GPD2: variants seen among roughly 807,000 people sequenced by gnomAD.
GPD2 encodes the protein glycerol-3-phosphate dehydrogenase 2.
GPD2 carries 54 observed loss-of-function variants against 82.4 expected under a neutral mutation model. The observed-to-expected ratio is 0.66, with a 90% CI of 0.53 to 0.82. The LOEUF (loss-of-function observed/expected upper bound fraction) is 0.82. Among genes scored for constraint, GPD2 ranks in the 40% least tolerant of loss-of-function variants. GPD2 has a pLI of 0.00. For missense variants in GPD2, 748 were observed against 896.2 expected (o/e 0.83, Z 2.11); for synonymous variants, 288 against 306.1 (o/e 0.94, Z 0.62).
chr2:156,462,909 C>CATGT (rs536404480), intron 1 of GPD2, among the ~76,000 whole-genome samples: 86 of 152,286 alleles, frequency 5.6e-4, no homozygotes, highest in Middle Eastern at 3.4e-3. Context: ...CAACATGGCA[C>CATGT]ATGTATACTT....
intron 6 of GPD2, among the ~76,000 whole-genome samples, chr2:156,541,516 A>G (rs1018703865): frequency 3.9e-5 from 6 of 152,290 alleles, no homozygotes; most frequent in Non-Finnish European, 8.8e-5. Flanking sequence ...ATATTTACAA[A>G]AATAATTAAT....
chr2:156,446,627 T>C (rs1055784629), intron 1 of GPD2, among the ~76,000 whole-genome samples: 3 of 151,850 alleles, frequency 2.0e-5, no homozygotes, highest in East Asian at 3.9e-4. Context: ...CAGGCTGGAA[T>C]GCAGTGGCAC....
chr2:156,476,041 T>G, intron 1 of GPD2, 57 bp from the exon 2 acceptor site: 1 of 851,410 alleles, frequency 1.2e-6, no homozygotes, highest in South Asian at 1.3e-5. Context: ...ATTATTGGGA[T>G]GGTTATGCGA....
chr2:156,511,233 G>C (rs1684987219), intron 4 of GPD2, among the ~76,000 whole-genome samples: 1 of 152,176 alleles, frequency 6.6e-6, no homozygotes, highest in Non-Finnish European at 1.5e-5. Context: ...TTGCTACTTT[G>C]CAAGCACTTT....
At chr2:156,558,348 A>G (rs1246056616) in intron 9 of GPD2, among the ~76,000 whole-genome samples, 2 of 152,136 alleles carry the variant, frequency 1.3e-5, no homozygotes, top group Non-Finnish European at 2.9e-5. Flanking sequence ...AATACCAGGC[A>G]GGTCCATCAG....
chr2:156,525,683 A>G (rs1685581279), intron 6 of GPD2, among the ~76,000 whole-genome samples: 1 of 152,192 alleles, frequency 6.6e-6, no homozygotes, highest in African/African-American at 2.4e-5. Context: ...ATACGGACAA[A>G]TTACTGTCTT....
At chr2:156,567,932 G>A (rs1687450477) in intron 9 of GPD2, among the ~76,000 whole-genome samples, 1 of 152,114 alleles carries the variant, frequency 6.6e-6, no homozygotes, top group Non-Finnish European at 1.5e-5. Flanking sequence ...GGCATCTTGA[G>A]TATTGAAAGA....
intron 6 of GPD2, among the ~76,000 whole-genome samples, chr2:156,517,208 T>A (rs1326898782): frequency 1.3e-5 from 2 of 152,214 alleles, no homozygotes; most frequent in African/African-American, 4.8e-5. Flanking sequence ...TCCTCCCGCC[T>A]TGGCCTCCCA....
intron 3 of GPD2, among the ~76,000 whole-genome samples, chr2:156,496,623 T>G (rs1200937877): frequency 6.6e-6 from 1 of 152,196 alleles, no homozygotes; most frequent in African/African-American, 2.4e-5. Flanking sequence ...AACTTTAAAA[T>G]GAAATATAAC....
chr2:156,442,311 C>T (rs934178064), intron 1 of GPD2, among the ~76,000 whole-genome samples: 3 of 152,038 alleles, frequency 2.0e-5, no homozygotes, highest in Non-Finnish European at 4.4e-5. Context: ...CTGATGACCA[C>T]CAAGGCCAAG....
chr2:156,554,788 A>G (rs1328668717), intron 8 of GPD2, among the ~76,000 whole-genome samples: 1 of 152,146 alleles, frequency 6.6e-6, no homozygotes, highest in African/African-American at 2.4e-5. Flanking sequence ...CAAGAGGTCA[A>G]TTTTTTTCCT....
intron 3 of GPD2, among the ~76,000 whole-genome samples, chr2:156,504,914 A>G (rs1192408268): frequency 6.6e-6 from 1 of 152,062 alleles, no homozygotes; most frequent in Non-Finnish European, 1.5e-5. Flanking sequence ...CCAAATGTCA[A>G]CTGTGGTTAT....
chr2:156,494,717 A>G (rs1403119608), intron 2 of GPD2, among the ~76,000 whole-genome samples: 1 of 152,228 alleles, frequency 6.6e-6, no homozygotes, highest in Non-Finnish European at 1.5e-5. Context: ...CAGAATGGGA[A>G]AAACACCACC....
rs957549756 is a variant in GPD2 at position 156,476,266 on chromosome 2, C to T, written c.102+59C>T. On this transcript the variant is annotated intron_variant, in intron 2 of 16. Coordinates refer to ENST00000438166, the MANE Select transcript of GPD2 (RefSeq NM_000408.5). ...CAACTTAAATCTGCTAAAGAGCTGT[C>T]TATGGGGAATGTGTGCACTAACGGT... is the stretch of plus-strand genomic sequence containing the variant. The T allele has an allele frequency of 9.8e-6, 9 of 915,624 alleles. No homozygotes were observed. In the Admixed American group the frequency reaches 1.5e-4, roughly 16 times the overall value. 56.7% of individuals were successfully genotyped at this position (915,624 alleles called of 1,614,324 possible).
chr2:156,550,571 G>C (rs1193419093), intron 7 of GPD2, 31 bp from the exon 8 acceptor site: 1 of 1,609,366 alleles, frequency 6.2e-7, no homozygotes, highest in South Asian at 1.1e-5. Flanking sequence ...AAACAAATGA[G>C]GTGTGTGATT....
intron 2 of GPD2, among the ~76,000 whole-genome samples, chr2:156,479,051 A>G (rs1417378459): frequency 6.6e-6 from 1 of 152,236 alleles, no homozygotes; most frequent in African/African-American, 2.4e-5. Context: ...AGCAGGGGCT[A>G]TATTCTAAAT....
intron 2 of GPD2, among the ~76,000 whole-genome samples, chr2:156,483,061 C>G (rs1683793146): frequency 6.6e-6 from 1 of 150,574 alleles, no homozygotes; most frequent in African/African-American, 2.4e-5. Context: ...TTAGTAGTAC[C>G]AATGACTCAA....
intron 1 of GPD2, among the ~76,000 whole-genome samples, chr2:156,460,289 T>A (rs1239792813): frequency 1.3e-5 from 2 of 152,074 alleles, no homozygotes; most frequent in African/African-American, 4.8e-5. Flanking sequence ...TCAGTCAGAG[T>A]GTTCCTTGAG....
the GPD2 span, among the ~76,000 whole-genome samples, chr2:156,410,191 C>T: frequency 6.6e-6 from 1 of 152,222 alleles, no homozygotes; most frequent in Non-Finnish European, 1.5e-5. Flanking sequence ...AAGGGCAGCA[C>T]GTCTCACACA....
Sources: allele counts gnomAD v4.1 joint callset (sites outside exome capture counted in the v4.1 genomes callset), GRCh38; gene constraint gnomAD v4.1.1; transcripts MANE v1.5; gene names NCBI Gene and HGNC (gene_info 2026-07-23, HGNC 2026-07-21).